KLRG1: variants seen among roughly 807,000 people sequenced by gnomAD.
KLRG1 encodes killer cell lectin like receptor G1.
KLRG1 carries 16 observed loss-of-function variants against 21.8 expected under a neutral mutation model. The observed-to-expected ratio is 0.73, with a 90% CI of 0.50 to 1.11. The LOEUF is 1.11. Among genes scored for constraint, KLRG1 ranks in the 50% most tolerant of loss-of-function variants. KLRG1 has a pLI of 0.00. For missense variants in KLRG1, 173 were observed against 218.3 expected, an observed-to-expected ratio of 0.79 and a Z score of 1.31; for synonymous variants, 69 against 75.9, an observed-to-expected ratio of 0.91 and a Z score of 0.47.
At chr12:9,065,420 C>G in the KLRG1 span, among the ~76,000 whole-genome samples, 2 of 152,272 alleles carry the variant, frequency 1.3e-5, no homozygotes, top group Admixed American at 1.3e-4. Context: ...CTGTTAGCAC[C>G]CACTCTGAAC....
At chr12:9,068,259 C>CAT in the KLRG1 span, 3 of 1,593,494 alleles carry the variant, frequency 1.9e-6, no homozygotes. Flanking sequence ...AACCAGAAAT[C>CAT]ATTACATGAA....
chr12:9,025,555 T>C, the KLRG1 span, among the ~76,000 whole-genome samples: 1 of 152,196 alleles, frequency 6.6e-6, no homozygotes, highest in Admixed American at 6.5e-5. Flanking sequence ...GAGAATCACT[T>C]GAACCCAGGA....
chr12:9,113,440 A>G, the KLRG1 span: 1 of 1,613,908 alleles, frequency 6.2e-7, no homozygotes, highest in East Asian at 2.2e-5. Flanking sequence ...ACAGACTCCA[A>G]GGAAGCACTT....
chr12:8,999,652 G>C (rs747318968), intron 3 of KLRG1, among the ~76,000 whole-genome samples: 5 of 152,176 alleles, frequency 3.3e-5, no homozygotes, highest in Non-Finnish European at 7.4e-5. Flanking sequence ...TCATGAGTGT[G>C]CTTTTACTAT....
chr12:8,957,355 C>G (rs1027526958), intron 1 of KLRG1, among the ~76,000 whole-genome samples: 1 of 152,192 alleles, frequency 6.6e-6, no homozygotes, highest in Non-Finnish European at 1.5e-5. Context: ...TCTGTCTTAA[C>G]GAAGCACTTA....
chr12:9,083,322 T>C, the KLRG1 span, among the ~76,000 whole-genome samples: 1 of 151,674 alleles, frequency 6.6e-6, no homozygotes, highest in South Asian at 2.1e-4. Flanking sequence ...CACACCAACA[T>C]GGCACATGTA....
the KLRG1 span, among the ~76,000 whole-genome samples, chr12:9,206,148 C>A: frequency 6.6e-6 from 1 of 152,216 alleles, no homozygotes; most frequent in South Asian, 2.1e-4. Context: ...ATCTCCTGAT[C>A]ACTGCTCTTT....
At chr12:9,211,270 C>G in the KLRG1 span, among the ~76,000 whole-genome samples, 3 of 152,032 alleles carry the variant, frequency 2.0e-5, no homozygotes, top group African/African-American at 7.2e-5. Flanking sequence ...CCATAGGTCC[C>G]TTATACTTTC....
chr12:8,961,982 AGGCTGAGGT>A (rs1946389414), intron 1 of KLRG1, among the ~76,000 whole-genome samples: 2 of 152,160 alleles, frequency 1.3e-5, no homozygotes, highest in Admixed American at 6.5e-5. Flanking sequence ...GCTACACAGG[AGGCTGAGGT>A]GGGAGAATTG....
chr12:9,120,140 A>T, the KLRG1 span, among the ~76,000 whole-genome samples: 2 of 152,338 alleles, frequency 1.3e-5, no homozygotes, highest in East Asian at 3.9e-4. Context: ...TATAGTTTGA[A>T]TGCTAATGGC....
chr12:9,139,693 C>A, the KLRG1 span, among the ~76,000 whole-genome samples: 1 of 152,056 alleles, frequency 6.6e-6, no homozygotes, highest in South Asian at 2.1e-4. Flanking sequence ...CCCTTTTGGT[C>A]TCTTGTAACA....
chr12:8,980,010 C>A (rs944788957), intron 1 of KLRG1, among the ~76,000 whole-genome samples: 1 of 152,056 alleles, frequency 6.6e-6, no homozygotes, highest in Non-Finnish European at 1.5e-5. Flanking sequence ...AAGTGATTGT[C>A]CTGCCTCAGC....
chr12:9,021,819 G>T, the KLRG1 span, among the ~76,000 whole-genome samples: 4 of 151,996 alleles, frequency 2.6e-5, no homozygotes, highest in African/African-American at 9.7e-5. Context: ...GGCCTTCTTC[G>T]GAAGTAAGGC....
At chr12:8,951,399 T>G (rs1946201833) in intron 1 of KLRG1, among the ~76,000 whole-genome samples, 1 of 152,052 alleles carries the variant, frequency 6.6e-6, no homozygotes, top group South Asian at 2.1e-4. Flanking sequence ...AGCCTGGGAG[T>G]TGGAGGCTGC....
the KLRG1 span, chr12:9,074,685 A>C: frequency 6.2e-7 from 1 of 1,613,940 alleles, no homozygotes; most frequent in Admixed American, 1.7e-5. Flanking sequence ...AGGAGCACAT[A>C]GGATGTCATC....
the KLRG1 span, among the ~76,000 whole-genome samples, chr12:9,103,703 G>A: frequency 2.0e-5 from 3 of 152,082 alleles, no homozygotes; most frequent in African/African-American, 7.2e-5. Flanking sequence ...TTACCATAAC[G>A]TCCTCAAGGA....
At chr12:8,995,687 T>A (rs1344104862) in intron 3 of KLRG1, among the ~76,000 whole-genome samples, 2 of 43,078 alleles carry the variant, frequency 4.6e-5, no homozygotes, top group South Asian at 9.8e-4. Context: ...CAGCAGATTC[T>A]TTTTTTTTTT....
chr12:9,130,025 T>C, the KLRG1 span, among the ~76,000 whole-genome samples: 1 of 152,372 alleles, frequency 6.6e-6, no homozygotes, highest in East Asian at 1.9e-4. Context: ...CTTTCTGTTT[T>C]TATGAATTGG....
chr12:8,983,721 GAC>G (rs2137299099), intron 1 of KLRG1, among the ~76,000 whole-genome samples: 1 of 152,086 alleles, frequency 6.6e-6, no homozygotes, highest in East Asian at 1.9e-4. Context: ...TTTTAAAGAT[GAC>G]ATCTCATTGC....
Sources: gnomAD v4.1 joint callset for allele counts (sites outside exome capture counted in the v4.1 genomes callset) on GRCh38, gnomAD v4.1.1 for gene constraint, MANE v1.5 for transcripts, NCBI Gene and HGNC (gene_info 2026-07-23, HGNC 2026-07-21) for gene names.